The following LRCH1 variants were observed in gnomAD, a reference collection of about 807,000 sequenced individuals.
LRCH1 encodes the protein leucine rich repeats and calponin homology domain containing 1.
Under a neutral mutation model 94.9 loss-of-function variants are expected in LRCH1, and 23 were observed. That is an observed-to-expected ratio of 0.24 (90% CI 0.17 to 0.34). The LOEUF (loss-of-function observed/expected upper bound fraction) is 0.34. Among genes scored for constraint, LRCH1 ranks in the 10% least tolerant of loss-of-function variants. LRCH1 has a pLI of 1.00. For missense variants in LRCH1, 790 were observed against 945.9 expected (o/e 0.84, Z 2.16); for synonymous variants, 364 against 354.9 (o/e 1.03, Z -0.29).
chr13:46,591,652 T>C (rs938243372), intron 1 of LRCH1, among the ~76,000 whole-genome samples: 1 of 152,202 alleles, frequency 6.6e-6, no homozygotes, highest in Non-Finnish European at 1.5e-5. Flanking sequence ...TTAGAGTTCT[T>C]AGACCAGGAA....
intron 2 of LRCH1, among the ~76,000 whole-genome samples, chr13:46,652,364 C>G (rs2051317294): frequency 6.6e-6 from 1 of 151,142 alleles, no homozygotes; most frequent in African/African-American, 2.4e-5. Context: ...GCGTAAGCCA[C>G]TGCGTCTGGC....
chr13:46,666,409 T>C (rs891838134), intron 2 of LRCH1, among the ~76,000 whole-genome samples: 1 of 152,234 alleles, frequency 6.6e-6, no homozygotes, highest in Non-Finnish European at 1.5e-5. Context: ...AGTAGTATGA[T>C]ACATGACTCT....
At position 46,742,133 on chromosome 13, in the gene LRCH1, G is replaced by A. The variant is rs1043537425; in HGVS notation, c.*285G>A. ...CACATAGTGCCAGCAGCAGTGCCAC[G>A]CAGTTCCTCCTCTCCCTCCCGGTGA... On this transcript the variant is annotated 3_prime_UTR_variant, in exon 20 of 20. Coordinates refer to ENST00000389797, the MANE Select transcript of LRCH1 (RefSeq NM_001164211.2). The A allele has an allele frequency of 1.2e-4, 150 of 1,249,098 alleles. No homozygotes were observed. In the African/African-American group the frequency reaches 1.6e-3, roughly 14 times the overall value. The allele number at this position is 1,249,098 out of a possible 1,614,324, so 77.4% of individuals were successfully genotyped here.
At chr13:46,682,760 A>C (rs770913932) in intron 4 of LRCH1, among the ~76,000 whole-genome samples, 4 of 152,224 alleles carry the variant, frequency 2.6e-5, no homozygotes, top group Non-Finnish European at 5.9e-5. Flanking sequence ...CATGGCTCCC[A>C]ACCATCCAGC....
chr13:46,594,548 G>C (rs2050537572), intron 1 of LRCH1, among the ~76,000 whole-genome samples: 1 of 151,912 alleles, frequency 6.6e-6, no homozygotes, highest in South Asian at 2.1e-4. Context: ...ACCTCCTTGA[G>C]CTACACAGAA....
intron 10 of LRCH1, among the ~76,000 whole-genome samples, chr13:46,699,834 A>G (rs1321485465): frequency 2.6e-5 from 4 of 152,176 alleles, no homozygotes; most frequent in Non-Finnish European, 4.4e-5. Context: ...TGCCAGAGCT[A>G]CCATTTATTC....
chr13:46,567,047 T>G (rs2050192107), intron 1 of LRCH1, among the ~76,000 whole-genome samples: 1 of 152,250 alleles, frequency 6.6e-6, no homozygotes, highest in Non-Finnish European at 1.5e-5. Context: ...TAAACTTTTC[T>G]TGTTAGACTT....
chr13:46,692,011 C>T (rs1183837568), intron 7 of LRCH1, among the ~76,000 whole-genome samples: 2 of 152,146 alleles, frequency 1.3e-5, no homozygotes, highest in Non-Finnish European at 2.9e-5. Flanking sequence ...TTCAAACAAC[C>T]AGATCTCACA....
At chr13:46,723,171 C>A (rs1872660487) in intron 16 of LRCH1, 50 bp from the exon 17 acceptor site, 1 of 962,360 alleles carries the variant, frequency 1.0e-6, no homozygotes, top group Non-Finnish European at 1.6e-6. Flanking sequence ...ATGAATAGCC[C>A]TATGTGACAA....
chr13:46,596,790 G>A (rs2050569195), intron 1 of LRCH1, among the ~76,000 whole-genome samples: 1 of 152,214 alleles, frequency 6.6e-6, no homozygotes. Flanking sequence ...TAGTCAACAT[G>A]GCTAGGTCCA....
intron 1 of LRCH1, among the ~76,000 whole-genome samples, chr13:46,559,786 A>G (rs1280147009): frequency 3.9e-5 from 6 of 152,228 alleles, no homozygotes; most frequent in Non-Finnish European, 8.8e-5. Flanking sequence ...TCACTGCAAC[A>G]TCTGATTTGA....
downstream of LRCH1, among the ~76,000 whole-genome samples, chr13:46,745,657 C>G (rs4941568): frequency 0.51 from 77,457 of 152,060 alleles, 22,572 homozygotes; most frequent in Non-Finnish European, 0.65. Flanking sequence ...ATTGAAGAAA[C>G]TGATGCAGGA....
chr13:46,701,940 T>C (rs1372049133), intron 11 of LRCH1, among the ~76,000 whole-genome samples: 1 of 152,212 alleles, frequency 6.6e-6, no homozygotes. Flanking sequence ...TGCAAATTTA[T>C]GAAAAGCGTA....
At chr13:46,688,415 G>C (rs572690219) in intron 6 of LRCH1, among the ~76,000 whole-genome samples, 2 of 152,134 alleles carry the variant, frequency 1.3e-5, no homozygotes, top group Admixed American at 1.3e-4. Flanking sequence ...TTTATTTTTG[G>C]TCTTTTAAAA....
intron 1 of LRCH1, among the ~76,000 whole-genome samples, chr13:46,632,884 T>TA (rs769146616): frequency 3.3e-5 from 5 of 152,266 alleles, no homozygotes; most frequent in Non-Finnish European, 5.9e-5. Context: ...ATTATTTAGA[T>TA]AAACTGTTTC....
rs371994359 is a variant in LRCH1, at chr13:46,637,216, T to C, written c.308-12985T>C. Reference sequence around the variant, plus strand: ...TTACTTTCAAAAGATACAACCTGAATGTGACCACTTCTTGTCACTTCCACT... The same window carrying C: ...TTACTTTCAAAAGATACAACCTGAACGTGACCACTTCTTGTCACTTCCACT... On this transcript the variant is annotated intron_variant, in intron 1 of 19. Transcript: ENST00000389797. Among the ~76,000 whole-genome samples the C allele has an allele frequency of 1.6e-4, 25 of 152,360 alleles. No homozygotes were observed. The East Asian group carries it at 4.6e-3, about 28-fold the overall frequency.
chr13:46,582,648 C>CTT (rs551678501), intron 1 of LRCH1, among the ~76,000 whole-genome samples: 852 of 23,290 alleles, frequency 0.037, 77 homozygotes, highest in East Asian at 0.13. Context: ...CCATGCCCAG[C>CTT]TTTTTTTTTT....
At chr13:46,693,132 CG>C (rs776893554) in intron 8 of LRCH1, among the ~76,000 whole-genome samples, 20 of 151,938 alleles carry the variant, frequency 1.3e-4, no homozygotes, top group South Asian at 4.2e-4. Context: ...CCACCATGCC[CG>C]GCTAATTCTT....
At chr13:46,579,064 G>A (rs780355392) in intron 1 of LRCH1, among the ~76,000 whole-genome samples, 1 of 152,192 alleles carries the variant, frequency 6.6e-6, no homozygotes, top group Non-Finnish European at 1.5e-5. Context: ...GGGGCTCGCT[G>A]TGTGCAGGGA....
Sources: allele counts gnomAD v4.1 joint callset (sites outside exome capture counted in the v4.1 genomes callset), GRCh38; gene constraint gnomAD v4.1.1; transcripts MANE v1.5; gene names NCBI Gene and HGNC (gene_info 2026-07-23, HGNC 2026-07-21).